Variants in UNC13C observed in about 807,000 individuals in gnomAD.
The protein encoded by UNC13C is unc-13 homolog C.
In UNC13C, 174 loss-of-function variants were observed where a neutral mutation model predicts 245.4. The observed-to-expected ratio is 0.71, with a 90% confidence interval of 0.63 to 0.80. UNC13C has a LOEUF of 0.80. UNC13C is among the 30% of genes least tolerant of loss of function. The pLI is 0.00. For synonymous variants in UNC13C, 992 were observed against 895.1 expected (o/e 1.11, Z -1.93); for missense variants, 2,829 against 2,602.9 (o/e 1.09, Z -1.89).
the UNC13C span, among the ~76,000 whole-genome samples, chr15:53,923,949 G>A: frequency 1.9e-4 from 29 of 152,240 alleles, no homozygotes; most frequent in Non-Finnish European, 4.1e-4. Context: ...GCTCGCGCCT[G>A]TAATCCCAGC....
chr15:54,544,074 G>A (rs1896369705), intron 26 of UNC13C, among the ~76,000 whole-genome samples: 1 of 152,128 alleles, frequency 6.6e-6, no homozygotes. Flanking sequence ...AAATCCAGCA[G>A]CACATCAAAA....
chr15:54,632,858 C>T (rs1901481049), downstream of UNC13C: 1 of 152,142 alleles, frequency 6.6e-6, no homozygotes, highest in African/African-American at 2.4e-5. Context: ...TACTACTTCT[C>T]ACTCTCTATA....
chr15:54,252,945 T>C (rs1423282204), intron 8 of UNC13C, among the ~76,000 whole-genome samples: 1 of 152,210 alleles, frequency 6.6e-6, no homozygotes, highest in Non-Finnish European at 1.5e-5. Flanking sequence ...TTTCTACCCA[T>C]TACGCCATAT....
intron 30 of UNC13C, among the ~76,000 whole-genome samples, chr15:54,571,647 T>C (rs781191968): frequency 1.3e-5 from 2 of 152,226 alleles, no homozygotes; most frequent in Non-Finnish European, 2.9e-5. Flanking sequence ...ACTGGTGTTA[T>C]AGTATCAGTC....
intron 4 of UNC13C, among the ~76,000 whole-genome samples, chr15:54,170,273 C>A (rs1327348505): frequency 6.6e-6 from 1 of 151,834 alleles, no homozygotes; most frequent in Non-Finnish European, 1.5e-5. Context: ...AATAGAGATT[C>A]TAATGATGAA....
intron 19 of UNC13C, among the ~76,000 whole-genome samples, chr15:54,462,636 T>TGCCG (rs1339819714): frequency 3.9e-5 from 6 of 152,198 alleles, no homozygotes; most frequent in African/African-American, 1.4e-4. Flanking sequence ...CCCCCAGCAC[T>TGCCG]GCCGGCCTGC....
At chr15:54,159,677 T>C (rs191869893) in intron 4 of UNC13C, among the ~76,000 whole-genome samples, 2 of 152,224 alleles carry the variant, frequency 1.3e-5, no homozygotes, top group Admixed American at 6.5e-5. Flanking sequence ...GTTTGGTAGA[T>C]GTATAAGGCT....
intron 29 of UNC13C, among the ~76,000 whole-genome samples, chr15:54,560,993 T>C (rs1304967038): frequency 6.6e-6 from 1 of 152,052 alleles, no homozygotes; most frequent in African/African-American, 2.4e-5. Context: ...CCCCACATAC[T>C]CTACTGCAAC....
At chr15:53,959,384 C>T in the UNC13C span, among the ~76,000 whole-genome samples, 1 of 152,036 alleles carries the variant, frequency 6.6e-6, no homozygotes, top group African/African-American at 2.4e-5. Context: ...TCCACAATGG[C>T]TGTACTACTT....
At chr15:54,219,213 AG>A (rs2035142540) in intron 4 of UNC13C, among the ~76,000 whole-genome samples, 1 of 152,016 alleles carries the variant, frequency 6.6e-6, no homozygotes, top group Non-Finnish European at 1.5e-5. Context: ...ACAAGGCTAC[AG>A]TAACCAAAAC....
intron 2 of UNC13C, among the ~76,000 whole-genome samples, chr15:54,119,333 A>C (rs1459617636): frequency 6.6e-6 from 1 of 151,820 alleles, no homozygotes; most frequent in Non-Finnish European, 1.5e-5. Flanking sequence ...AAATATTTTA[A>C]TTTTTTTCAT....
In UNC13C at chr15:54,564,046, C is replaced by A. The variant is rs187371345; in HGVS notation, c.5959-3754C>A. On this transcript the variant is annotated intron_variant, in intron 29 of 32. Transcript: ENST00000260323. ...CTCGTCAAGTTTGCATTTGCATAAC[C>A]ATAGAAATCACCTTCTTCACTGTTG... Among the ~76,000 whole-genome samples the A allele has an allele frequency of 2.6e-5, 4 of 152,094 alleles. No homozygotes were observed. The East Asian group carries it at 7.8e-4, about 30-fold the overall frequency.
Position 54,174,339 on chromosome 15 carries a change from ATCT to A in UNC13C, c.3071+30661_3071+30663del, listed in dbSNP as rs539507619. ...AATAGTTTTCTTTTATACAAATTAC[ATCT>A]TCTTCAGGAATACGGGTTTTCTTCC... On this transcript the variant is annotated intron_variant, in intron 4 of 32. Transcript: ENST00000260323. 3.0e-3 allele frequency among the ~76,000 whole-genome samples: 455 copies of A among 152,308 alleles called. 1 individual carries two copies. The highest frequency in any genetic ancestry group is 4.9e-3 in the Admixed American group (75 of 15,308).
intron 19 of UNC13C, among the ~76,000 whole-genome samples, chr15:54,454,522 G>A (rs912620715): frequency 6.6e-6 from 1 of 150,764 alleles, no homozygotes; most frequent in Non-Finnish European, 1.5e-5. Flanking sequence ...AGGTTGCAGT[G>A]AGCTGAGATC....
chr15:54,250,029 A>T (rs74013555), intron 7 of UNC13C, among the ~76,000 whole-genome samples, 196 bp from the exon 8 acceptor site: 3,851 of 152,282 alleles, frequency 0.025, 160 homozygotes, highest in African/African-American at 0.088. Context: ...ATAACTGAAT[A>T]GGGCCCTAAA....
At chr15:54,284,678 C>A (rs1393138305) in intron 10 of UNC13C, among the ~76,000 whole-genome samples, 1 of 152,084 alleles carries the variant, frequency 6.6e-6, no homozygotes, top group Non-Finnish European at 1.5e-5. Flanking sequence ...ATCTGATCTG[C>A]CTGTTCGCTG....
intron 27 of UNC13C, among the ~76,000 whole-genome samples, chr15:54,548,151 C>T (rs1208624155): frequency 6.6e-6 from 1 of 150,752 alleles, no homozygotes; most frequent in Non-Finnish European, 1.5e-5. Flanking sequence ...CTTGCGTGAG[C>T]ATTGTCTCAG....
chr15:54,502,966 T>C (rs1459782327), intron 22 of UNC13C, among the ~76,000 whole-genome samples: 2 of 152,110 alleles, frequency 1.3e-5, no homozygotes, highest in Non-Finnish European at 2.9e-5. Flanking sequence ...AGCCACAATA[T>C]GCCTGCTTGG....
In UNC13C at chr15:54,052,109, A is replaced by G. The variant is rs372101305; in HGVS notation, c.2983+36223A>G. On this transcript the variant is annotated intron_variant, in intron 2 of 32. Transcript: ENST00000260323. ...CATGAACTCATCATTTTTTATGGCT[A>G]CATAGTATTCCATGGTGTATATGTG... is the stretch of plus-strand genomic sequence containing the variant. Among the ~76,000 whole-genome samples, 483 of 83,736 alleles carry G rather than the reference A, an allele frequency of 5.8e-3. 3 individuals are homozygous for G. Among genetic ancestry groups the G allele is most frequent in the African/African-American group, 0.015 (429 of 28,518 alleles). 54.9% of individuals were successfully genotyped at this position (83,736 alleles called of 152,430 possible).
Sources: gnomAD v4.1 joint callset for allele counts (sites outside exome capture counted in the v4.1 genomes callset) on GRCh38, gnomAD v4.1.1 for gene constraint, MANE v1.5 for transcripts, NCBI Gene and HGNC (gene_info 2026-07-23, HGNC 2026-07-21) for gene names.